The following DAB2IP variants were observed in gnomAD, a reference collection of about 807,000 sequenced individuals.
DAB2IP encodes the protein DAB2 interacting protein.
DAB2IP carries 28 observed loss-of-function variants against 107.2 expected under a neutral mutation model. The ratio of observed to expected loss-of-function variants is 0.26; its 90% CI spans 0.19 to 0.36. The LOEUF (loss-of-function observed/expected upper bound fraction) is 0.36, where lower values mean the gene tolerates loss of function less well. Among genes scored for constraint, DAB2IP ranks in the 10% least tolerant of loss-of-function variants. The probability of loss-of-function intolerance (pLI) is 1.00; values close to 1 mark genes in which losing one functional copy is unlikely to be tolerated. For missense variants in DAB2IP, 1,400 were observed against 1,644.7 expected (o/e 0.85, Z 2.57); for synonymous variants, 755 against 706.4 (o/e 1.07, Z -1.09).
chr9:121,621,733 T>C (rs753660864), intron 1 of DAB2IP, among the ~76,000 whole-genome samples: 4 of 150,764 alleles, frequency 2.7e-5, no homozygotes, highest in Non-Finnish European at 4.4e-5. Flanking sequence ...CCTCCCAGGT[T>C]CAAGCATTTT....
intron 1 of DAB2IP, among the ~76,000 whole-genome samples, chr9:121,658,458 A>G (rs150313702): frequency 6.6e-6 from 1 of 152,332 alleles, no homozygotes; most frequent in East Asian, 1.9e-4. Context: ...CGAGATGCCC[A>G]CGTATCGCGT....
chr9:121,629,715 T>C (rs1831803143), intron 1 of DAB2IP, among the ~76,000 whole-genome samples: 1 of 152,148 alleles, frequency 6.6e-6, no homozygotes, highest in Non-Finnish European at 1.5e-5. Context: ...TCAGATAAGC[T>C]GGGACAACCA....
At chr9:121,754,888 G>A (rs1833370182) in intron 3 of DAB2IP, among the ~76,000 whole-genome samples, 1 of 152,126 alleles carries the variant, frequency 6.6e-6, no homozygotes, top group Non-Finnish European at 1.5e-5. Flanking sequence ...CCAGCTCCCC[G>A]CTCTGTACTT....
In DAB2IP at chr9:121,597,411, CAA is replaced by C. The variant is rs10618039; in HGVS notation, c.40+30184_40+30185del. 4.4e-3 allele frequency among the ~76,000 whole-genome samples: 665 copies of C among 152,302 alleles called. 7 individuals are homozygous for C. The highest frequency in any genetic ancestry group is 0.015 in the African/African-American group (637 of 41,566). On this transcript the variant is annotated intron_variant, in intron 1 of 16. Transcript: ENST00000259371. ...CTGCAGGGCCATCTCTGCTACATAT[CAA>C]GTTTCCATACCTGTATGGGTCAATT...
At chr9:121,690,160 CATT>C (rs1436046968) in intron 2 of DAB2IP, among the ~76,000 whole-genome samples, 1 of 152,194 alleles carries the variant, frequency 6.6e-6, no homozygotes, top group Admixed American at 6.5e-5. Flanking sequence ...GAAGAGCCCT[CATT>C]AGTATTAATA....
intron 2 of DAB2IP, among the ~76,000 whole-genome samples, chr9:121,686,043 T>C (rs1828862229): frequency 6.6e-6 from 1 of 152,052 alleles, no homozygotes. Flanking sequence ...AGAGCAGACA[T>C]GGAGTGCAGC....
chr9:121,622,239 C>T (rs1175703809), intron 1 of DAB2IP, among the ~76,000 whole-genome samples: 2 of 151,986 alleles, frequency 1.3e-5, no homozygotes, highest in Non-Finnish European at 2.9e-5. Flanking sequence ...CTGCCTGCCT[C>T]GGCCTGCCAA....
intron 1 of DAB2IP, among the ~76,000 whole-genome samples, chr9:121,621,467 C>G (rs1246728198): frequency 6.6e-6 from 1 of 152,080 alleles, no homozygotes; most frequent in East Asian, 1.9e-4. Context: ...GTTAGACTGC[C>G]TTGCCTGTGT....
chr9:121,694,787 G>A (rs1268786865), intron 2 of DAB2IP, among the ~76,000 whole-genome samples: 6 of 152,256 alleles, frequency 3.9e-5, no homozygotes, highest in South Asian at 2.1e-4. Flanking sequence ...AGAGAGGGGC[G>A]GGGGCTACAC....
At chr9:121,689,611 A>C (rs1158292586) in intron 2 of DAB2IP, among the ~76,000 whole-genome samples, 1 of 151,010 alleles carries the variant, frequency 6.6e-6, no homozygotes, top group Non-Finnish European at 1.5e-5. Context: ...ACAAGATAGC[A>C]TCTCTTTCCT....
chr9:121,619,227 A>G (rs1589415479), intron 1 of DAB2IP, among the ~76,000 whole-genome samples: 1 of 152,030 alleles, frequency 6.6e-6, no homozygotes, highest in Non-Finnish European at 1.5e-5. Flanking sequence ...GCTCACTGCA[A>G]CCTCTGTCTC....
chr9:121,644,537 C>A (rs1406338377), intron 1 of DAB2IP, among the ~76,000 whole-genome samples: 1 of 151,676 alleles, frequency 6.6e-6, no homozygotes, highest in African/African-American at 2.4e-5. Context: ...GCGGAGGTTG[C>A]AGTGAGCTGA....
chr9:121,674,960 C>T (rs2119126265), intron 1 of DAB2IP, among the ~76,000 whole-genome samples: 1 of 152,128 alleles, frequency 6.6e-6, no homozygotes, highest in East Asian at 1.9e-4. Context: ...TGCTTTTGTC[C>T]TGGTGATCCC....
chr9:121,605,150 G>A (rs1306969861), intron 1 of DAB2IP, among the ~76,000 whole-genome samples: 1 of 151,768 alleles, frequency 6.6e-6, no homozygotes, highest in Non-Finnish European at 1.5e-5. Flanking sequence ...CTCCCAAGTA[G>A]TTGGGACTAC....
chr9:121,626,330 C>T (rs1831644579), intron 1 of DAB2IP, among the ~76,000 whole-genome samples: 1 of 151,178 alleles, frequency 6.6e-6, no homozygotes, highest in African/African-American at 2.4e-5. Flanking sequence ...CCAAAATGGG[C>T]TTTCATGGAG....
chr9:121,699,510 C>T lies in DAB2IP; in HGVS notation c.362+52C>T. ...CCCGCGCCGCCGCCCCGGGCTGCGC[C>T]CCTGAGGACGCGGGGACAAAGCGCG... On this transcript the variant is annotated intron_variant, in intron 3 of 15. Transcript: ENST00000408936. The surrounding 1 kb of genome is among the most constrained non-coding windows in gnomAD (Gnocchi z 6.2). 1 of 1,215,102 alleles carries T rather than the reference C, an allele frequency of 8.2e-7. No homozygotes were observed. Among genetic ancestry groups the T allele is most frequent in the Non-Finnish European group, 1.0e-6 (1 of 975,088 alleles). 75.3% of individuals were successfully genotyped at this position (1,215,102 alleles called of 1,614,324 possible). A position where few individuals can be genotyped will look rare whatever the true frequency, so the allele number is the denominator to read the frequency against.
chr9:121,747,785 G>A (rs1207971696), intron 3 of DAB2IP, among the ~76,000 whole-genome samples: 1 of 151,538 alleles, frequency 6.6e-6, no homozygotes, highest in Non-Finnish European at 1.5e-5. Flanking sequence ...TATTCAGGCT[G>A]CAGGATGACT....
intron 2 of DAB2IP, among the ~76,000 whole-genome samples, chr9:121,686,661 C>G (rs1463807062): frequency 6.6e-6 from 1 of 152,178 alleles, no homozygotes; most frequent in African/African-American, 2.4e-5. Context: ...CTGCTCCCTT[C>G]TGTAGGATGG....
At chr9:121,759,806 ACT>A (rs1042519819) in intron 5 of DAB2IP, 77 bp from the exon 6 acceptor site, 17 of 1,327,566 alleles carry the variant, frequency 1.3e-5, no homozygotes, top group Non-Finnish European at 1.8e-5. Context: ...GGGTCTGAGG[ACT>A]CTCTCAGGCT....
Sources: gnomAD v4.1 joint callset for allele counts (sites outside exome capture counted in the v4.1 genomes callset) on GRCh38, gnomAD v4.1.1 for gene constraint, Gnocchi (gnomAD v3.1) non-coding constraint, MANE v1.5 for transcripts, NCBI Gene and HGNC (gene_info 2026-07-23, HGNC 2026-07-21) for gene names.